The following MICAL3 variants were observed in gnomAD, a reference collection of about 807,000 sequenced individuals.
MICAL3 encodes [F-actin]-monooxygenase MICAL3.
MICAL3 carries 62 observed loss-of-function variants against 207.4 expected under a neutral mutation model. The observed-to-expected ratio is 0.30, with a 90% confidence interval of 0.24 to 0.37. The LOEUF (loss-of-function observed/expected upper bound fraction) is 0.37. Ranked by LOEUF, MICAL3 falls within the 10% of genes least tolerant of loss-of-function variation. MICAL3 has a pLI of 1.00. For missense variants in MICAL3, 2,368 were observed against 2,635.6 expected, an observed-to-expected ratio of 0.90 and a Z score of 2.22; for synonymous variants, 1,077 against 1,069.3, an observed-to-expected ratio of 1.01 and a Z score of -0.14.
Position 17,924,471 on chromosome 22 carries a change from G to A in MICAL3, c.-74-17585C>T, listed in dbSNP as rs914522422. Reference sequence around the variant, plus strand: ...GATACAGGTTGGGCATCTCAAATCTGTAAATCCAAAACTGGAAATATTCCA... The same window carrying A: ...GATACAGGTTGGGCATCTCAAATCTATAAATCCAAAACTGGAAATATTCCA... On this transcript the variant is annotated intron_variant, in intron 1 of 31. Coordinates refer to ENST00000441493, the MANE Select transcript of MICAL3 (RefSeq NM_015241.3). Among the ~76,000 whole-genome samples, 9 of 152,138 alleles carry A rather than the reference G, an allele frequency of 5.9e-5. No homozygotes were observed. In the East Asian group the frequency reaches 1.7e-3, roughly 29 times the overall value.
intron 1 of MICAL3, among the ~76,000 whole-genome samples, chr22:17,993,076 C>A (rs1282993911): frequency 5.9e-5 from 9 of 152,286 alleles, no homozygotes; most frequent in African/African-American, 2.2e-4. Flanking sequence ...TTTGAGAAAG[C>A]CTATCTGTTT....
intron 5 of MICAL3, among the ~76,000 whole-genome samples, chr22:17,901,374 C>CT (rs1481931869): frequency 6.6e-6 from 1 of 152,118 alleles, no homozygotes. Flanking sequence ...CAAGAGTGCC[C>CT]TGTAAGCAGC....
At chr22:17,829,924 T>C (rs1174045789) in intron 21 of MICAL3, among the ~76,000 whole-genome samples, 2 of 151,782 alleles carry the variant, frequency 1.3e-5, no homozygotes, top group Non-Finnish European at 2.9e-5. Context: ...CCAGGGAGAG[T>C]AGCCCAGTGA....
At chr22:17,969,375 C>A (rs1935300111) in intron 1 of MICAL3, among the ~76,000 whole-genome samples, 1 of 152,234 alleles carries the variant, frequency 6.6e-6, no homozygotes, top group African/African-American at 2.4e-5. Context: ...GTGCTTTTCT[C>A]TAAGGGACGA....
At chr22:17,887,783 A>G (rs561306725) in intron 13 of MICAL3, among the ~76,000 whole-genome samples, 102 of 152,310 alleles carry the variant, frequency 6.7e-4, no homozygotes, top group African/African-American at 2.4e-3. Flanking sequence ...CAAAAATTTC[A>G]GGACAGAGAG....
intron 29 of MICAL3, among the ~76,000 whole-genome samples, chr22:17,802,874 G>A (rs1351115056): frequency 6.6e-6 from 1 of 152,140 alleles, no homozygotes; most frequent in African/African-American, 2.4e-5. Context: ...ACAGTCCCCA[G>A]GATTCCCCTC....
chr22:17,807,036 T>C (rs1460965122), intron 29 of MICAL3, among the ~76,000 whole-genome samples: 2 of 152,214 alleles, frequency 1.3e-5, no homozygotes, highest in Admixed American at 1.3e-4. Context: ...CTCAACCTCA[T>C]GAGTAAGGAG....
chr22:17,924,702 G>A (rs1076110), intron 1 of MICAL3, among the ~76,000 whole-genome samples: 101,673 of 152,040 alleles, frequency 0.67, 34,222 homozygotes, highest in African/African-American at 0.7. Context: ...CACCATGGAC[G>A]TACTTTGTTA....
intron 16 of MICAL3, 74 bp downstream of exon 16, chr22:17,885,804 A>C (rs1929817644): frequency 2.7e-6 from 4 of 1,483,904 alleles, no homozygotes; most frequent in Non-Finnish European, 3.7e-6. Flanking sequence ...AGCCCATCTC[A>C]ATGGATGGAA....
At position 17,951,028 on chromosome 22, in the gene MICAL3, C is replaced by T. The variant is rs143656485; in HGVS notation, c.-74-44142G>A. 4.2e-3 allele frequency among the ~76,000 whole-genome samples: 645 copies of T among 152,324 alleles called. 5 individuals are homozygous for T. The highest frequency in any genetic ancestry group is 0.014 in the African/African-American group (601 of 41,574). ...GGCCAGTCTCCTACCACGGGTCTTC[C>T]GGGAGAAGGGCCAAAGCACTGCTCT... On this transcript the variant is annotated intron_variant, in intron 1 of 31. Coordinates refer to ENST00000441493, the MANE Select transcript of MICAL3 (RefSeq NM_015241.3).
rs765682458 is a variant in MICAL3, at chr22:17,791,236, C to T, written c.5716G>A (p.Ala1906Thr). The T allele has an allele frequency of 1.3e-5, 21 of 1,613,894 alleles. No homozygotes were observed. The highest frequency in any genetic ancestry group is 8.8e-5 in the South Asian group (8 of 91,054). The change falls in exon 30 of 32, where the codon GCC (alanine) becomes ACC (threonine). Residue 1906 changes from alanine to threonine, a missense_variant. Coordinates refer to ENST00000441493, the MANE Select transcript of MICAL3 (RefSeq NM_015241.3). ...AGCTCCGACTCGTAGCGCACCATGG[C>T]GTTCTTCTCCTGCACTAGCTTGAAC... is the stretch of plus-strand genomic sequence containing the variant. Reference protein sequence around the residue: ...EWFKLVQEKNAMVRYESELMI... With the variant: ...EWFKLVQEKNTMVRYESELMI...
chr22:17,895,206 G>T, intron 10 of MICAL3, 78 bp downstream of exon 10: 1 of 1,421,510 alleles, frequency 7.0e-7, no homozygotes, highest in Non-Finnish European at 9.8e-7. Flanking sequence ...ATTAATAGGT[G>T]CACGCATCTC....
chr22:17,883,070 T>C (rs1332688918), intron 16 of MICAL3, among the ~76,000 whole-genome samples: 1 of 152,328 alleles, frequency 6.6e-6, no homozygotes, highest in Non-Finnish European at 1.5e-5. Flanking sequence ...TTATGAATAC[T>C]GTAAGAGGTT....
intron 1 of MICAL3, among the ~76,000 whole-genome samples, chr22:17,919,067 T>G (rs143049769): frequency 6.9e-6 from 1 of 145,474 alleles, no homozygotes; most frequent in Admixed American, 6.9e-5. Flanking sequence ...ATGTTTTTGG[T>G]TTTTGTGGGT....
chr22:17,948,912 C>CAAAAA lies in MICAL3; in HGVS notation c.-74-42031_-74-42027dup, dbSNP rs112234424. ...TGGGTGACAAAGTGAGATGCTGCCT[C>CAAAAA]AAAAAAAAAAAAAATTGGCCAGCAC... On this transcript the variant is annotated intron_variant, in intron 1 of 31. Coordinates refer to ENST00000441493, the MANE Select transcript of MICAL3 (RefSeq NM_015241.3). Among the ~76,000 whole-genome samples, 532 of 106,638 alleles carry CAAAAA rather than the reference C, an allele frequency of 5.0e-3. 19 individuals are homozygous for CAAAAA. Among genetic ancestry groups the CAAAAA allele is most frequent in the African/African-American group, 0.019 (469 of 24,634 alleles). 70.0% of individuals were successfully genotyped at this position (106,638 alleles called of 152,430 possible).
Position 17,822,050 on chromosome 22 carries a change from G to C in MICAL3, c.3428C>G (p.Ser1143Ter), listed in dbSNP as rs1347620620. The change falls in exon 24 of 32, where the codon TCA (serine) becomes TGA (stop). Residue 1143 changes from serine (S) to a stop codon, truncating the protein, a stop_gained. Coordinates refer to ENST00000441493, the MANE Select transcript of MICAL3 (RefSeq NM_015241.3). LOFTEE classifies it high-confidence loss of function. ...CTCACCTCTCTCTTGGTGCTTCGGTGAGGCGGGCAGCTTCTCCTCATCTTC... is the reference window on the plus strand; with the variant it reads ...CTCACCTCTCTCTTGGTGCTTCGGTCAGGCGGGCAGCTTCTCCTCATCTTC... ...VSEDEEKLPA[S>*]PKHQERGPSQ... 6.2e-7 allele frequency: 1 copy of C among 1,613,784 alleles called. No homozygotes were observed. Among genetic ancestry groups the C allele is most frequent in the Non-Finnish European group, 8.5e-7 (1 of 1,179,886 alleles).
Position 17,864,628 on chromosome 22 carries a change from G to A in MICAL3, c.2605+271C>T, listed in dbSNP as rs1926868195. The A allele has an allele frequency of 1.9e-6, 3 of 1,567,430 alleles. No individual in the cohort carries two copies. The African/African-American group carries it at 4.1e-5, about 21-fold the overall frequency. On this transcript the variant is annotated intron_variant, in intron 19 of 31. Transcript: ENST00000441493. The stretch of plus-strand genomic sequence containing the variant: ...CGGGGCTGAGGGACAGCACTTCACG[G>A]CTCTGCCGCCCACCGGACGGCCCCA...
rs78654868 is a variant in MICAL3 at position 17,945,613 on chromosome 22, C to T, written c.-74-38727G>A. On this transcript the variant is annotated intron_variant, in intron 1 of 31. Coordinates refer to ENST00000441493, the MANE Select transcript of MICAL3 (RefSeq NM_015241.3). ...TGTGGAGAGCAAGGGGTAACACGCG[C>T]CCTACTGCCCAGGGAGGGGAGGGGC... Among the ~76,000 whole-genome samples the T allele has an allele frequency of 8.5e-3, 1,300 of 152,288 alleles. 19 individuals carry two copies. Among genetic ancestry groups the T allele is most frequent in the African/African-American group, 0.029 (1,215 of 41,558 alleles).
At chr22:17,839,601 T>C (rs1276611779) in intron 20 of MICAL3, 1 of 147,664 alleles carries the variant, frequency 6.8e-6, no homozygotes, top group Non-Finnish European at 1.5e-5. Flanking sequence ...AGTTTCGCTC[T>C]TGTTGCCTAG....
Sources: gnomAD v4.1 joint callset for allele counts (sites outside exome capture counted in the v4.1 genomes callset) on GRCh38, gnomAD v4.1.1 for gene constraint, MANE v1.5 for transcripts, NCBI Gene and HGNC (gene_info 2026-07-23, HGNC 2026-07-21) for gene names.